The following IARS2 variants were observed in gnomAD, a reference collection of about 807,000 sequenced individuals.
IARS2 encodes the protein isoleucine--tRNA ligase, mitochondrial.
A neutral mutation model predicts 126.3 loss-of-function variants in IARS2; 56 were observed. The ratio of observed to expected loss-of-function variants is 0.44; its 90% CI spans 0.36 to 0.55. The LOEUF (loss-of-function observed/expected upper bound fraction) is 0.55. Among genes scored for constraint, IARS2 ranks in the 20% least tolerant of loss-of-function variants. IARS2 has a pLI of 0.00. For synonymous variants in IARS2, 407 were observed against 441.1 expected (o/e 0.92, Z 0.97); for missense variants, 1,127 against 1,245.9 (o/e 0.90, Z 1.44).
intron 11 of IARS2, among the ~76,000 whole-genome samples, chr1:220,112,701 G>T (rs1656835763): frequency 6.6e-6 from 1 of 151,320 alleles, no homozygotes; most frequent in African/African-American, 2.4e-5. Flanking sequence ...TGGGACTACA[G>T]GCCTGTGCCA....
At chr1:220,103,653 AAACAG>A (rs1656626786) in intron 8 of IARS2, 91 bp downstream of exon 8, 1 of 756,128 alleles carries the variant, frequency 1.3e-6, no homozygotes, top group African/African-American at 1.7e-5. Context: ...TTTTGAATTG[AAACAG>A]ATATGGCCTC....
At chr1:220,099,410 C>G (rs1656519852) in intron 2 of IARS2, among the ~76,000 whole-genome samples, 1 of 152,048 alleles carries the variant, frequency 6.6e-6, no homozygotes, top group Non-Finnish European at 1.5e-5. Flanking sequence ...TGAGATATAT[C>G]ACATTTTCGT....
intron 20 of IARS2, among the ~76,000 whole-genome samples, chr1:220,142,210 T>C (rs1657503887): frequency 6.6e-6 from 1 of 152,140 alleles, no homozygotes; most frequent in Non-Finnish European, 1.5e-5. Context: ...TTATAACTGT[T>C]CTGAAATGGC....
intron 10 of IARS2, among the ~76,000 whole-genome samples, chr1:220,107,424 A>G (rs992492784): frequency 1.4e-4 from 21 of 152,314 alleles, no homozygotes; most frequent in African/African-American, 4.3e-4. Flanking sequence ...GAAGGATACA[A>G]TCAAGATCAG....
intron 1 of IARS2, among the ~76,000 whole-genome samples, chr1:220,095,738 G>C (rs1214557163): frequency 1.3e-5 from 2 of 152,242 alleles, no homozygotes; most frequent in African/African-American, 4.8e-5. Context: ...AGAATAGCAA[G>C]AATATGTGTG....
chr1:220,102,540 C>T lies in IARS2; in HGVS notation c.795C>T (p.Val265=), dbSNP rs201916678. ...EAELEYNPEH[V]SRSIYVKFPL... is the part of the protein sequence containing the mutation. ...AACTTGAATATAATCCTGAGCATGTCAGTCGTTCAATATATGTAAAATTTC... is the reference window on the plus strand; with the variant it reads ...AACTTGAATATAATCCTGAGCATGTTAGTCGTTCAATATATGTAAAATTTC... The change falls in exon 6 of 23, where the codon GTC becomes GTT. Residue 265 remains valine, a synonymous_variant. Coordinates refer to ENST00000366922, the MANE Select transcript of IARS2 (RefSeq NM_018060.4). 1.2e-6 allele frequency: 2 copies of T among 1,613,884 alleles called. No homozygotes were observed. Among genetic ancestry groups the T allele is most frequent in the East Asian group, 2.2e-5 (1 of 44,866 alleles).
chr1:220,147,375 G>T, intron 22 of IARS2, 118 bp from the exon 23 acceptor site: 1 of 927,410 alleles, frequency 1.1e-6, no homozygotes, highest in South Asian at 1.6e-5. Context: ...GGAAGTGTCT[G>T]ACAAGCTTTA....
In IARS2 at chr1:220,139,041, G is replaced by T; in HGVS notation, c.2209G>T (p.Val737Leu). Reference protein sequence around the residue: ...RNTLRFLLGNVADFNPETDSI... With the variant: ...RNTLRFLLGNLADFNPETDSI... ...TACACTTCGCTTTCTTTTGGGAAAT[G>T]TGGCTGATTTCAACCCAGAAACAGA... The change falls in exon 18 of 23, where the codon GTG (valine) becomes TTG (leucine). Residue 737 changes from valine (V) to leucine (L), a missense_variant. Physicochemically the swap from Val to Leu is conservative, Grantham distance 32. Transcript: ENST00000366922. 1 of 1,613,642 alleles carries T rather than the reference G, an allele frequency of 6.2e-7. No individual in the cohort carries two copies. The highest frequency in any genetic ancestry group is 1.7e-4 in the Middle Eastern group (1 of 6,058).
At chr1:220,144,053 C>T (rs1657538129) in intron 21 of IARS2, 7 of 1,385,716 alleles carry the variant, frequency 5.1e-6, no homozygotes, top group Non-Finnish European at 7.1e-6. Context: ...ACAATGAAAC[C>T]AAACTGGCGG....
intron 15 of IARS2, among the ~76,000 whole-genome samples, chr1:220,135,346 T>C (rs1421625355): frequency 6.6e-6 from 1 of 152,058 alleles, no homozygotes; most frequent in Non-Finnish European, 1.5e-5. Flanking sequence ...TAAAAACCCA[T>C]CCCAGAACAT....
intron 18 of IARS2, 75 bp from the exon 19 acceptor site, chr1:220,140,108 A>G (rs1657455100): frequency 3.8e-6 from 3 of 797,302 alleles, no homozygotes; most frequent in Non-Finnish European, 6.6e-6. Flanking sequence ...TGAAAGGAGC[A>G]TATTTTGCTT....
At chr1:220,133,162 C>A (rs751086474) in intron 14 of IARS2, among the ~76,000 whole-genome samples, 1 of 152,022 alleles carries the variant, frequency 6.6e-6, no homozygotes, top group African/African-American at 2.4e-5. Context: ...AGGCGCCCAC[C>A]ACCGTGCCCA....
Position 220,102,609 on chromosome 1 carries a change from G to A in IARS2, c.859+5G>A, listed in dbSNP as rs1028913458. 2.5e-6 allele frequency: 4 copies of A among 1,600,332 alleles called. No individual in the cohort carries two copies. The highest frequency in any genetic ancestry group is 3.4e-6 in the Non-Finnish European group (4 of 1,167,732). Reference sequence around the variant, plus strand: ...CAAAATTGGCATCTCTTATAGGTAAGATTTATTCATAGCTTGAGTGTACCA... The same window carrying A: ...CAAAATTGGCATCTCTTATAGGTAAAATTTATTCATAGCTTGAGTGTACCA... On this transcript the variant is annotated splice_donor_5th_base_variant and intron_variant, in intron 6 of 22. Coordinates refer to ENST00000366922, the MANE Select transcript of IARS2 (RefSeq NM_018060.4).
chr1:220,095,028 C>A (rs931644750), intron 1 of IARS2, among the ~76,000 whole-genome samples: 8 of 151,816 alleles, frequency 5.3e-5, no homozygotes, highest in African/African-American at 1.9e-4. Context: ...TTGAAGCCCA[C>A]TTCTTGGATC....
chr1:220,107,757 G>A (rs190316721), intron 10 of IARS2, among the ~76,000 whole-genome samples: 1 of 152,240 alleles, frequency 6.6e-6, no homozygotes, highest in African/African-American at 2.4e-5. Context: ...CGTACTGGCA[G>A]GACCATGTTT....
Position 220,102,501 on chromosome 1 carries a change from A to C in IARS2, c.756A>C (p.Ala252=). The C allele has an allele frequency of 6.2e-7, 1 of 1,613,678 alleles. No homozygotes were observed. The change falls in exon 6 of 23, where the codon GCA becomes GCC. Residue 252 remains alanine (A), a synonymous_variant. Coordinates refer to ENST00000366922, the MANE Select transcript of IARS2 (RefSeq NM_018060.4). ...PVFWSPSSRT[A]LAEAELEYNP... is the part of the protein sequence containing the mutation. ...TAATATTTTTAACCCTTAGGACTGC[A>C]TTGGCTGAAGCAGAACTTGAATATA...
At chr1:220,111,212 A>G (rs914719113) in intron 11 of IARS2, among the ~76,000 whole-genome samples, 3 of 152,192 alleles carry the variant, frequency 2.0e-5, no homozygotes, top group Non-Finnish European at 2.9e-5. Context: ...TCAAAGTTGC[A>G]TAGAATTTGG....
intron 11 of IARS2, among the ~76,000 whole-genome samples, chr1:220,112,555 CTTTTTTTTT>C (rs750583631): frequency 1.7e-5 from 2 of 116,110 alleles, no homozygotes; most frequent in Non-Finnish European, 3.5e-5. Flanking sequence ...AAGATAAGCT[CTTTTTTTTT>C]TTTTTTTTTT....
At chr1:220,130,888 A>G (rs1300453841) in intron 14 of IARS2, among the ~76,000 whole-genome samples, 1 of 152,162 alleles carries the variant, frequency 6.6e-6, no homozygotes, top group Non-Finnish European at 1.5e-5. Context: ...GTTGGAAATC[A>G]GTTGGCAATA....
Sources: gnomAD v4.1 joint callset for allele counts (sites outside exome capture counted in the v4.1 genomes callset) on GRCh38, gnomAD v4.1.1 for gene constraint, MANE v1.5 for transcripts, NCBI Gene and HGNC (gene_info 2026-07-23, HGNC 2026-07-21) for gene names.